CLEC3B: variants seen among roughly 807,000 people sequenced by gnomAD.
CLEC3B encodes C-type lectin domain family 3 member B.
Under a neutral mutation model 15.4 loss-of-function variants are expected in CLEC3B, and 13 were observed. The ratio of observed to expected loss-of-function variants is 0.84; its 90% confidence interval spans 0.55 to 1.34. The LOEUF (loss-of-function observed/expected upper bound fraction) is 1.34, where lower values mean the gene tolerates loss of function less well. Ranked by LOEUF, CLEC3B falls within the 40% of genes most tolerant of loss-of-function variation. CLEC3B has a pLI of 0.00. For synonymous variants in CLEC3B, 112 were observed against 114.7 expected (o/e 0.98, Z 0.15); for missense variants, 242 against 268.6 (o/e 0.90, Z 0.69).
chr3:45,032,995 A>T (rs1045749093), intron 2 of CLEC3B, among the ~76,000 whole-genome samples: 5 of 152,212 alleles, frequency 3.3e-5, no homozygotes, highest in African/African-American at 1.2e-4. Context: ...GGCCACCTGC[A>T]GCTTTAAGAA....
At chr3:45,031,270 G>T (rs903288386) in intron 2 of CLEC3B, among the ~76,000 whole-genome samples, 7 of 152,292 alleles carry the variant, frequency 4.6e-5, no homozygotes, top group African/African-American at 1.2e-4. Context: ...AGAGGTAGTG[G>T]CCCACCCTAG....
intron 2 of CLEC3B, among the ~76,000 whole-genome samples, chr3:45,031,940 T>A (rs544427288): frequency 6.6e-6 from 1 of 151,248 alleles, no homozygotes; most frequent in Non-Finnish European, 1.5e-5. Context: ...TTCTTGATGC[T>A]TGATGCACGT....
chr3:45,036,049 T>C lies in CLEC3B; in HGVS notation c.*125T>C, dbSNP rs1029852953. ...TTGGAGCCTCTTTTTGCAAATAAAG[T>C]TGGTGCAGCTTCGCGGAGAGGAGAG... On this transcript the variant is annotated 3_prime_UTR_variant, in exon 3 of 3. Coordinates refer to ENST00000296130, the MANE Select transcript of CLEC3B (RefSeq NM_003278.3). 8.6e-7 allele frequency: 1 copy of C among 1,164,188 alleles called. No homozygotes were observed. Among genetic ancestry groups the C allele is most frequent in the Non-Finnish European group, 1.2e-6 (1 of 852,286 alleles). The allele number at this position is 1,164,188 out of a possible 1,614,324, so 72.1% of individuals were successfully genotyped here.
rs772249258 is a variant in CLEC3B at position 45,026,523 on chromosome 3, C to T, written c.109+52C>T. The T allele has an allele frequency of 2.7e-6, 4 of 1,473,686 alleles. No individual in the cohort carries two copies. The South Asian group carries it at 3.5e-5, about 13-fold the overall frequency. 91.3% of individuals were successfully genotyped at this position (1,473,686 alleles called of 1,614,324 possible). A position where few individuals can be genotyped will look rare whatever the true frequency, so the allele number is the denominator to read the frequency against. Reference sequence around the variant, plus strand: ...CATCTTCCAGGGAGCAGGTCCCCCTCTCCTTAGTGTGTCCTCATGCTCCTT... The same window carrying T: ...CATCTTCCAGGGAGCAGGTCCCCCTTTCCTTAGTGTGTCCTCATGCTCCTT... On this transcript the variant is annotated intron_variant, in intron 1 of 2. Coordinates refer to ENST00000296130, the MANE Select transcript of CLEC3B (RefSeq NM_003278.3).
At chr3:45,030,991 C>A in intron 2 of CLEC3B, 66 bp downstream of exon 2, 2 of 1,126,440 alleles carry the variant, frequency 1.8e-6, no homozygotes, top group South Asian at 1.4e-5. Context: ...CAGCAGCCAG[C>A]AATGCTCTTC....
At chr3:45,034,500 A>G (rs1697610165) in intron 2 of CLEC3B, 1 of 152,250 alleles carries the variant, frequency 6.6e-6, no homozygotes. Context: ...ACAAATGCAG[A>G]CATACACCTG....
intron 2 of CLEC3B, chr3:45,034,451 G>A (rs1697607883): frequency 6.6e-6 from 1 of 152,170 alleles, no homozygotes; most frequent in South Asian, 2.1e-4. Context: ...AGAGGGGAGT[G>A]CAGACATCCC....
chr3:45,029,450 GTC>G (rs1304005257), intron 1 of CLEC3B, among the ~76,000 whole-genome samples: 2 of 152,214 alleles, frequency 1.3e-5, no homozygotes, highest in Admixed American at 1.3e-4. Flanking sequence ...GGTGGAGGCA[GTC>G]TCTGTGTGAG....
chr3:45,036,045 A>C lies in CLEC3B; in HGVS notation c.*121A>C, dbSNP rs1032315496. 10 of 1,203,754 alleles carry C rather than the reference A, an allele frequency of 8.3e-6. No individual in the cohort carries two copies. Among genetic ancestry groups the C allele is most frequent in the Non-Finnish European group, 1.1e-5 (10 of 887,740 alleles). The allele number at this position is 1,203,754 out of a possible 1,614,324, so 74.6% of individuals were successfully genotyped here. A position where few individuals can be genotyped will look rare whatever the true frequency, so the allele number is the denominator to read the frequency against. ...GCGCTTGGAGCCTCTTTTTGCAAAT[A>C]AAGTTGGTGCAGCTTCGCGGAGAGG... On this transcript the variant is annotated 3_prime_UTR_variant, in exon 3 of 3. Transcript: ENST00000296130.
In CLEC3B at chr3:45,026,586, T is replaced by C. The variant is rs560596697; in HGVS notation, c.109+115T>C. Reference sequence around the variant, plus strand: ...CTCCTTTTGAGTCATCTAGGGAACTTGAGTAAAGTGGGCTTTGGGGCTTGG... The same window carrying C: ...CTCCTTTTGAGTCATCTAGGGAACTCGAGTAAAGTGGGCTTTGGGGCTTGG... On this transcript the variant is annotated intron_variant, in intron 1 of 2. Coordinates refer to ENST00000296130, the MANE Select transcript of CLEC3B (RefSeq NM_003278.3). 3.4e-6 allele frequency: 3 copies of C among 890,624 alleles called. No individual in the cohort carries two copies. In the African/African-American group the frequency reaches 5.0e-5, roughly 15 times the overall value. The allele number at this position is 890,624 out of a possible 1,614,324, so 55.2% of individuals were successfully genotyped here.
At chr3:45,028,118 G>T (rs1195619415) in intron 1 of CLEC3B, among the ~76,000 whole-genome samples, 3 of 152,170 alleles carry the variant, frequency 2.0e-5, no homozygotes, top group African/African-American at 7.2e-5. Flanking sequence ...CACCAACATG[G>T]CAGGCACTTA....
At chr3:45,034,354 T>A (rs1697606726) in intron 2 of CLEC3B, 2 of 152,154 alleles carry the variant, frequency 1.3e-5, no homozygotes, top group Admixed American at 6.5e-5. Context: ...TTAAAGTCGG[T>A]TGTGGTGTCA....
chr3:45,035,618 C>G lies in CLEC3B; in HGVS notation c.303C>G (p.Arg101=). The change falls in exon 3 of 3, where the codon CGC becomes CGG. Residue 101 remains arginine, a synonymous_variant. Coordinates refer to ENST00000296130, the MANE Select transcript of CLEC3B (RefSeq NM_003278.3). The part of the protein sequence containing the change: ...FHEASEDCIS[R]GGTLGTPQTG... ...AGGCCAGCGAGGACTGCATCTCGCG[C>G]GGGGGCACCCTGGGCACCCCTCAGA... 6.2e-7 allele frequency: 1 copy of G among 1,614,102 alleles called. No homozygotes were observed. The highest frequency in any genetic ancestry group is 1.1e-5 in the South Asian group (1 of 91,088).
chr3:45,029,136 C>T (rs1395262833), intron 1 of CLEC3B, among the ~76,000 whole-genome samples: 1 of 131,796 alleles, frequency 7.6e-6, no homozygotes, highest in Non-Finnish European at 1.6e-5. Flanking sequence ...ACACCTACTC[C>T]CACAGCTTCC....
intron 2 of CLEC3B, among the ~76,000 whole-genome samples, chr3:45,033,189 CT>C (rs1160370795): frequency 1.3e-5 from 2 of 152,188 alleles, no homozygotes; most frequent in African/African-American, 4.8e-5. Context: ...TCTCTCATGT[CT>C]AAGCTCTGTG....
At position 45,034,140 on chromosome 3, in the gene CLEC3B, G is replaced by A. The variant is rs200691748; in HGVS notation, c.209-1384G>A. 1.4e-4 allele frequency among the ~76,000 whole-genome samples: 21 copies of A among 152,240 alleles called. No homozygotes were observed. The East Asian group carries it at 3.1e-3, about 22-fold the overall frequency. ...TCCCTGCAGGAGGCTGAAAGCTGAGGACTTTCTTCCTGCAGCATTCCTGGC... is the reference window on the plus strand; with the variant it reads ...TCCCTGCAGGAGGCTGAAAGCTGAGAACTTTCTTCCTGCAGCATTCCTGGC... On this transcript the variant is annotated intron_variant, in intron 2 of 2. Coordinates refer to ENST00000296130, the MANE Select transcript of CLEC3B (RefSeq NM_003278.3).
rs1205545686 is a variant in CLEC3B, at chr3:45,026,355, G to A, written c.-8G>A. 15 of 1,611,854 alleles carry A rather than the reference G, an allele frequency of 9.3e-6. No individual in the cohort carries two copies. Among genetic ancestry groups the A allele is most frequent in the East Asian group, 4.5e-5 (2 of 44,856 alleles). On this transcript the variant is annotated 5_prime_UTR_variant, in exon 1 of 3. Transcript: ENST00000296130. ...GCAGGCAGCAGCAGCCCCCGCCCGCGCAGCAGCATGGAGCTCTGGGGGGCC... is the reference window on the plus strand; with the variant it reads ...GCAGGCAGCAGCAGCCCCCGCCCGCACAGCAGCATGGAGCTCTGGGGGGCC...
At chr3:45,035,395 C>CT in intron 2 of CLEC3B, 129 bp from the exon 3 acceptor site, 1 of 1,293,980 alleles carries the variant, frequency 7.7e-7, no homozygotes, top group Non-Finnish European at 1.0e-6. Flanking sequence ...TTGCCTGGGT[C>CT]TAAGGGGCTG....
rs1697640109 is a variant in CLEC3B at position 45,035,978 on chromosome 3, C to T, written c.*54C>T. 6 of 1,481,000 alleles carry T rather than the reference C, an allele frequency of 4.1e-6. No homozygotes were observed. Among genetic ancestry groups the T allele is most frequent in the Non-Finnish European group, 4.5e-6 (5 of 1,111,438 alleles). 91.7% of individuals were successfully genotyped at this position (1,481,000 alleles called of 1,614,324 possible). On this transcript the variant is annotated 3_prime_UTR_variant, in exon 3 of 3. Transcript: ENST00000296130. ...GGAGGAGGGCAGGGGCCGCGGGAGGCCGGGAGGAGGGTGGGGACCTTGCAG... is the reference window on the plus strand; with the variant it reads ...GGAGGAGGGCAGGGGCCGCGGGAGGTCGGGAGGAGGGTGGGGACCTTGCAG...
Sources: gnomAD v4.1 joint callset for allele counts (sites outside exome capture counted in the v4.1 genomes callset) on GRCh38, gnomAD v4.1.1 for gene constraint, MANE v1.5 for transcripts, NCBI Gene and HGNC (gene_info 2026-07-23, HGNC 2026-07-21) for gene names.